Variants in FEZ2 observed in about 807,000 individuals in gnomAD.
FEZ2 encodes fasciculation and elongation protein zeta-2.
Under a neutral mutation model 40.4 loss-of-function variants are expected in FEZ2, and 51 were observed. The ratio of observed to expected loss-of-function variants is 1.26; its 90% CI spans 1.01 to 1.59. The LOEUF (loss-of-function observed/expected upper bound fraction) is 1.59, where lower values mean the gene tolerates loss of function less well. Ranked by LOEUF, FEZ2 falls within the 40% of genes most tolerant of loss-of-function variation. The pLI, the probability that FEZ2 is intolerant of heterozygous loss-of-function variation, is 0.00. For missense variants in FEZ2, 640 were observed against 438.3 expected, an observed-to-expected ratio of 1.46 and a Z score of -4.11; for synonymous variants, 242 against 172.0, an observed-to-expected ratio of 1.41 and a Z score of -3.18.
Position 36,556,270 on chromosome 2 carries a change from C to T in FEZ2, c.980-522G>A, listed in dbSNP as rs189415514. On this transcript the variant is annotated intron_variant, in intron 6 of 7. Transcript: ENST00000405912. ...AGAACAGACTTCCATGAAGCAGCAT[C>T]GGGCATCTGCCTGGCTGTTGCCTCC... The T allele has an allele frequency of 2.4e-4, 50 of 208,858 alleles. No homozygotes were observed. The East Asian group carries it at 5.6e-3, about 23-fold the overall frequency. The allele number at this position is 208,858 out of a possible 1,614,324, so 12.9% of individuals were successfully genotyped here.
At chr2:36,566,079 A>C (rs1375255184) in intron 5 of FEZ2, among the ~76,000 whole-genome samples, 3 of 152,230 alleles carry the variant, frequency 2.0e-5, no homozygotes, top group African/African-American at 7.2e-5. Context: ...TGCCAGGGAC[A>C]CAACTGTGGA....
chr2:36,580,194 T>A (rs1668691116), intron 4 of FEZ2, among the ~76,000 whole-genome samples: 1 of 152,240 alleles, frequency 6.6e-6, no homozygotes, highest in Non-Finnish European at 1.5e-5. Context: ...GATTTTAGTA[T>A]CTGTATCAGG....
intron 4 of FEZ2, among the ~76,000 whole-genome samples, chr2:36,579,783 A>G (rs72868480): frequency 0.023 from 3,529 of 152,300 alleles, 132 homozygotes; most frequent in African/African-American, 0.081. Flanking sequence ...AAAAGGGAAC[A>G]ATATTCCCTG....
intron 5 of FEZ2, chr2:36,560,719 T>G: frequency 1.0e-6 from 1 of 967,010 alleles, no homozygotes; most frequent in Non-Finnish European, 1.6e-6. Context: ...CTACCAGCTT[T>G]CAGGATCTTC....
At chr2:36,554,331 T>G in intron 7 of FEZ2, 1 of 470,998 alleles carries the variant, frequency 2.1e-6, no homozygotes, top group African/African-American at 2.0e-5. Context: ...GGTCATAACA[T>G]CCTTCCATGC....
intron 2 of FEZ2, among the ~76,000 whole-genome samples, chr2:36,589,349 C>T (rs779129477): frequency 1.3e-5 from 2 of 152,210 alleles, no homozygotes; most frequent in South Asian, 4.1e-4. Flanking sequence ...CAAGTGCCAT[C>T]AGTTCCCCTA....
intron 6 of FEZ2, chr2:36,557,451 C>T (rs1667986600): frequency 3.3e-5 from 5 of 152,178 alleles, no homozygotes; most frequent in Admixed American, 3.3e-4. Flanking sequence ...ACACTTGCTT[C>T]TACTCTTAGG....
rs1191844165 is a variant in FEZ2 at position 36,558,740 on chromosome 2, C to T, written c.904-227G>A. On this transcript the variant is annotated intron_variant, in intron 5 of 7. Transcript: ENST00000405912. ...CATACAAACCTAATGTCAACAGAAA[C>T]AACCACCTTTTTGCATTTCAGTTAT... 8 of 325,200 alleles carry T rather than the reference C, an allele frequency of 2.5e-5. No individual in the cohort carries two copies. The Admixed American group carries it at 2.9e-4, about 12-fold the overall frequency. 20.1% of individuals were successfully genotyped at this position (325,200 alleles called of 1,614,324 possible). A position where few individuals can be genotyped will look rare whatever the true frequency, so the allele number is the denominator to read the frequency against.
chr2:36,589,454 G>C (rs556592408), intron 2 of FEZ2, among the ~76,000 whole-genome samples: 5 of 152,342 alleles, frequency 3.3e-5, no homozygotes, highest in Non-Finnish European at 5.9e-5. Flanking sequence ...CCCCAAGTGA[G>C]AGGCTGGATT....
intron 5 of FEZ2, among the ~76,000 whole-genome samples, chr2:36,571,116 T>C (rs776208481): frequency 2.0e-5 from 3 of 152,214 alleles, no homozygotes; most frequent in African/African-American, 7.2e-5. Flanking sequence ...GATGATGACA[T>C]ATATTTCTCT....
chr2:36,579,801 A>G (rs1248360852), intron 4 of FEZ2, among the ~76,000 whole-genome samples: 3 of 152,120 alleles, frequency 2.0e-5, no homozygotes, highest in African/African-American at 7.2e-5. Flanking sequence ...CTGAAACCCC[A>G]TTTCAGTCTT....
intron 5 of FEZ2, among the ~76,000 whole-genome samples, chr2:36,570,276 T>C (rs2125227944): frequency 6.6e-6 from 1 of 152,154 alleles, no homozygotes; most frequent in South Asian, 2.1e-4. Context: ...CCAAAGCAGA[T>C]ACACACTTGA....
intron 5 of FEZ2, among the ~76,000 whole-genome samples, chr2:36,561,796 A>C (rs1668099348): frequency 6.6e-6 from 1 of 152,232 alleles, no homozygotes; most frequent in Non-Finnish European, 1.5e-5. Context: ...GGAAATTTAA[A>C]TCAGTAAACA....
chr2:36,575,157 T>C (rs935017767), intron 5 of FEZ2, among the ~76,000 whole-genome samples: 1 of 152,196 alleles, frequency 6.6e-6, no homozygotes, highest in Non-Finnish European at 1.5e-5. Context: ...CAGGAAGGCA[T>C]GGGATGGGCC....
At chr2:36,555,997 T>G (rs1482908589) in intron 6 of FEZ2, 2 of 616,108 alleles carry the variant, frequency 3.2e-6, no homozygotes, top group South Asian at 3.0e-5. Flanking sequence ...CTTCCCTGAT[T>G]TAAAATTTCC....
intron 2 of FEZ2, chr2:36,590,460 G>T (rs1669036393): frequency 6.5e-6 from 1 of 154,854 alleles, no homozygotes; most frequent in Non-Finnish European, 1.4e-5. Flanking sequence ...CTGAGGTCAG[G>T]AGTTCGAGAC....
chr2:36,592,975 T>C (rs1669112794), intron 1 of FEZ2, among the ~76,000 whole-genome samples: 1 of 152,208 alleles, frequency 6.6e-6, no homozygotes, highest in African/African-American at 2.4e-5. Context: ...GCCAGTGAAG[T>C]AGAATTAGAG....
intron 1 of FEZ2, among the ~76,000 whole-genome samples, chr2:36,597,611 T>C (rs1238072573): frequency 1.3e-5 from 2 of 152,166 alleles, no homozygotes; most frequent in African/African-American, 4.8e-5. Context: ...GGCGATTCCC[T>C]TCTAATACAA....
chr2:36,578,138 T>C (rs1668629403), intron 5 of FEZ2, among the ~76,000 whole-genome samples: 1 of 152,232 alleles, frequency 6.6e-6, no homozygotes, highest in Non-Finnish European at 1.5e-5. Flanking sequence ...GGAACCTGTT[T>C]ACAAACAATT....
Sources: gnomAD v4.1 joint callset for allele counts (sites outside exome capture counted in the v4.1 genomes callset) on GRCh38, gnomAD v4.1.1 for gene constraint, MANE v1.5 for transcripts, NCBI Gene and HGNC (gene_info 2026-07-23, HGNC 2026-07-21) for gene names.